Variants in DOCK4 observed in about 807,000 individuals in gnomAD.
DOCK4 encodes the protein dedicator of cytokinesis 4, also known as dedicator of cytokinesis protein 4.
Under a neutral mutation model 268.1 loss-of-function variants are expected in DOCK4, and 97 were observed. That is an observed-to-expected ratio of 0.36 (90% confidence interval 0.31 to 0.43). The LOEUF is 0.43. DOCK4 is among the 20% of genes least tolerant of loss of function. DOCK4 has a pLI of 1.00. For synonymous variants in DOCK4, 954 were observed against 887.2 expected (o/e 1.08, Z -1.34); for missense variants, 2,145 against 2,455.7 (o/e 0.87, Z 2.67).
In DOCK4 at chr7:111,947,214, T is replaced by C. The variant is rs188935165; in HGVS notation, c.702-1416A>G. ...ATCACCCGATCCTTGCCTTAAATAA[T>C]GGTTCTGTCATTCAAATACATATAA... On this transcript the variant is annotated intron_variant, in intron 8 of 52. Transcript: ENST00000428084. Among the ~76,000 whole-genome samples the C allele has an allele frequency of 2.9e-3, 449 of 152,322 alleles. 3 individuals are homozygous for C. Among genetic ancestry groups the C allele is most frequent in the African/African-American group, 0.01 (434 of 41,576 alleles).
chr7:111,840,298 A>G lies in DOCK4; in HGVS notation c.2736+4465T>C, dbSNP rs1200819278. Among the ~76,000 whole-genome samples, 3 of 152,224 alleles carry G rather than the reference A, an allele frequency of 2.0e-5. No homozygotes were observed. The East Asian group carries it at 5.8e-4, about 29-fold the overall frequency. ...AACCGACATCACATGAAAATTTTAGATAAACACATCAGAGTAGCTGTCTTA... is the reference window on the plus strand; with the variant it reads ...AACCGACATCACATGAAAATTTTAGGTAAACACATCAGAGTAGCTGTCTTA... On this transcript the variant is annotated intron_variant, in intron 25 of 52. Transcript: ENST00000428084.
At chr7:112,187,569 C>G (rs1027653446) in intron 1 of DOCK4, among the ~76,000 whole-genome samples, 2 of 152,032 alleles carry the variant, frequency 1.3e-5, no homozygotes, top group Non-Finnish European at 2.9e-5. Context: ...ATAACCAAAC[C>G]CAAAAAAGAA....
At chr7:111,852,702 T>A (rs1804681641) in intron 23 of DOCK4, among the ~76,000 whole-genome samples, 1 of 152,226 alleles carries the variant, frequency 6.6e-6, no homozygotes, top group East Asian at 1.9e-4. Context: ...AATTTGTGTG[T>A]GGCATGTATA....
At chr7:111,945,873 C>T (rs758444681) in intron 8 of DOCK4, 75 bp from the exon 9 acceptor site, 246 of 1,102,592 alleles carry the variant, frequency 2.2e-4, no homozygotes, top group Middle Eastern at 8.4e-4. Context: ...AACTACTCTT[C>T]ATCACAACAG....
At chr7:112,124,668 C>T (rs1395949615) in intron 1 of DOCK4, among the ~76,000 whole-genome samples, 2 of 152,166 alleles carry the variant, frequency 1.3e-5, no homozygotes, top group African/African-American at 4.8e-5. Flanking sequence ...TTAACTGCTT[C>T]ATAAGGCCGT....
intron 5 of DOCK4, among the ~76,000 whole-genome samples, chr7:111,991,342 C>T (rs1799507573): frequency 6.6e-6 from 1 of 152,134 alleles, no homozygotes; most frequent in South Asian, 2.1e-4. Flanking sequence ...TAAAACTGAA[C>T]ATCTGGTCAT....
chr7:111,945,488 C>T (rs1466289044), intron 9 of DOCK4, among the ~76,000 whole-genome samples: 1 of 152,180 alleles, frequency 6.6e-6, no homozygotes, highest in Admixed American at 6.5e-5. Flanking sequence ...GCCCCGCAAT[C>T]ACTGTTATAC....
intron 50 of DOCK4, among the ~76,000 whole-genome samples, chr7:111,735,789 G>A (rs562779564): frequency 6.6e-6 from 1 of 152,298 alleles, no homozygotes; most frequent in Admixed American, 6.5e-5. Context: ...GGACACGCTG[G>A]TTGTAAATAG....
chr7:112,081,456 G>A lies in DOCK4; in HGVS notation c.38-77325C>T, dbSNP rs535509035. ...AGAGTCCTTGAGGGAAGCCTGACAC[G>A]AAAAGTGCAGATGAACACTCATTAT... On this transcript the variant is annotated intron_variant, in intron 1 of 52. Transcript: ENST00000428084. 4.6e-5 allele frequency among the ~76,000 whole-genome samples: 7 copies of A among 152,226 alleles called. No homozygotes were observed. The East Asian group carries it at 1.4e-3, about 29-fold the overall frequency.
chr7:111,792,768 G>A (rs1799641054), intron 30 of DOCK4, among the ~76,000 whole-genome samples: 1 of 152,168 alleles, frequency 6.6e-6, no homozygotes, highest in Non-Finnish European at 1.5e-5. Context: ...GGGAAAACAT[G>A]TGGATGTTTG....
chr7:111,752,062 T>A (rs1306556451), intron 42 of DOCK4, among the ~76,000 whole-genome samples: 2 of 152,240 alleles, frequency 1.3e-5, no homozygotes, highest in Non-Finnish European at 1.5e-5. Flanking sequence ...ATTTTTAATG[T>A]GACAATATTT....
chr7:111,767,319 C>T (rs761685908), intron 37 of DOCK4, among the ~76,000 whole-genome samples: 42 of 151,548 alleles, frequency 2.8e-4, no homozygotes, highest in African/African-American at 9.2e-4. Context: ...CTCCGCCTCC[C>T]TAGTTCAAGC....
chr7:111,788,810 TA>T (rs1342342842), intron 31 of DOCK4, 63 bp from the exon 32 acceptor site: 14 of 1,371,360 alleles, frequency 1.0e-5, no homozygotes, highest in Non-Finnish European at 1.4e-5. Flanking sequence ...CTAGGCAAGT[TA>T]AAACGTATTT....
At chr7:111,885,305 A>C (rs767308282) in intron 16 of DOCK4, among the ~76,000 whole-genome samples, 1 of 152,188 alleles carries the variant, frequency 6.6e-6, no homozygotes, top group Non-Finnish European at 1.5e-5. Context: ...CCTAACCTGG[A>C]TGGGGTGGTT....
intron 1 of DOCK4, among the ~76,000 whole-genome samples, chr7:112,066,718 T>G (rs1290042363): frequency 1.0e-5 from 1 of 99,142 alleles, no homozygotes; most frequent in African/African-American, 3.9e-5. Context: ...TATATATATA[T>G]ATATATATAT....
At chr7:112,019,707 G>A (rs997316841) in intron 1 of DOCK4, among the ~76,000 whole-genome samples, 1 of 152,016 alleles carries the variant, frequency 6.6e-6, no homozygotes, top group Non-Finnish European at 1.5e-5. Context: ...TATAGCTAAA[G>A]GAAATACAAT....
chr7:112,072,507 C>T (rs1251007797), intron 1 of DOCK4, among the ~76,000 whole-genome samples: 3 of 152,088 alleles, frequency 2.0e-5, no homozygotes, highest in African/African-American at 7.2e-5. Context: ...AAAAACAGTA[C>T]AGAGATTTCT....
rs190409145 is a variant in DOCK4 at position 111,854,771 on chromosome 7, T to C, written c.2474-7645A>G. ...ATGAAACATCTATTAAGCACCTACT[T>C]TGCACCAGGCACTATTAGGGAAGCT... is the stretch of plus-strand genomic sequence containing the variant. On this transcript the variant is annotated intron_variant, in intron 23 of 52. Transcript: ENST00000428084. 3.2e-3 allele frequency among the ~76,000 whole-genome samples: 493 copies of C among 152,300 alleles called. 2 individuals carry two copies. Among genetic ancestry groups the C allele is most frequent in the African/African-American group, 0.011 (472 of 41,570 alleles).
At chr7:111,897,095 A>G (rs932078502) in intron 15 of DOCK4, among the ~76,000 whole-genome samples, 7 of 152,092 alleles carry the variant, frequency 4.6e-5, no homozygotes, top group Admixed American at 2.0e-4. Context: ...CTTTATAGCA[A>G]AACTTCTCAA....
Sources: allele counts gnomAD v4.1 joint callset (sites outside exome capture counted in the v4.1 genomes callset), GRCh38; gene constraint gnomAD v4.1.1; transcripts MANE v1.5; gene names NCBI Gene and HGNC (gene_info 2026-07-23, HGNC 2026-07-21).